The following ATF1 variants were observed in gnomAD, a reference collection of about 807,000 sequenced individuals.
ATF1 encodes the protein cyclic AMP-dependent transcription factor ATF-1.
Under a neutral mutation model 34.7 loss-of-function variants are expected in ATF1, and 16 were observed. The ratio of observed to expected loss-of-function variants is 0.46; its 90% CI spans 0.31 to 0.70. ATF1 has a LOEUF of 0.70. ATF1 is among the 30% of genes least tolerant of loss of function. ATF1 has a pLI of 0.05. For synonymous variants in ATF1, 105 were observed against 113.1 expected (o/e 0.93, Z 0.46); for missense variants, 255 against 321.6 (o/e 0.79, Z 1.58).
intron 2 of ATF1, among the ~76,000 whole-genome samples, chr12:50,794,595 A>G (rs1439923958): frequency 2.0e-5 from 3 of 151,926 alleles, no homozygotes; most frequent in Non-Finnish European, 4.4e-5. Flanking sequence ...GAAGTCGGAT[A>G]TCACAATCTA....
chr12:50,772,515 C>T (rs1035909153), intron 1 of ATF1, among the ~76,000 whole-genome samples: 6 of 151,680 alleles, frequency 4.0e-5, no homozygotes, highest in African/African-American at 1.5e-4. Context: ...TAGTAGAGAC[C>T]GAGTTTCACC....
intron 1 of ATF1, among the ~76,000 whole-genome samples, chr12:50,773,288 G>A (rs1235647967): frequency 6.6e-6 from 1 of 152,008 alleles, no homozygotes; most frequent in Non-Finnish European, 1.5e-5. Flanking sequence ...ACCAATAATG[G>A]TATTGCTGGG....
chr12:50,765,514 TTTG>T (rs1305069763), intron 1 of ATF1, among the ~76,000 whole-genome samples: 20 of 149,134 alleles, frequency 1.3e-4, no homozygotes, highest in Admixed American at 1.3e-3. Context: ...TTTGTTTTGT[TTTG>T]TTTGTTTGTT....
chr12:50,819,787 GA>G lies in ATF1; in HGVS notation c.*11del, dbSNP rs1177722300. The G allele has an allele frequency of 6.6e-7, 1 of 1,504,524 alleles. No homozygotes were observed. The highest frequency in any genetic ancestry group is 9.0e-7 in the Non-Finnish European group (1 of 1,108,782). 93.2% of individuals were successfully genotyped at this position (1,504,524 alleles called of 1,614,324 possible). A position where few individuals can be genotyped will look rare whatever the true frequency, so the allele number is the denominator to read the frequency against. ...TCCAATAAAAGTGTTTGATTCCTAA[GA>G]AAGAAAATATTTTTGTGGACATGCA... On this transcript the variant is annotated 3_prime_UTR_variant, in exon 7 of 7. Transcript: ENST00000262053.
At chr12:50,814,513 G>T in intron 6 of ATF1, 74 bp downstream of exon 6, 1 of 1,454,176 alleles carries the variant, frequency 6.9e-7, no homozygotes, top group South Asian at 1.2e-5. Context: ...ATGTTAACTG[G>T]AACTGTATAC....
intron 6 of ATF1, among the ~76,000 whole-genome samples, chr12:50,818,969 A>T (rs1180746365): frequency 6.6e-6 from 1 of 152,244 alleles, no homozygotes; most frequent in Admixed American, 6.5e-5. Flanking sequence ...TTTTAAGAGG[A>T]CATGCACAGA....
In ATF1 at chr12:50,820,674, G is replaced by A. The variant is rs1941932594; in HGVS notation, c.*895G>A. The A allele has an allele frequency of 5.6e-6, 1 of 178,072 alleles. No homozygotes were observed. Among genetic ancestry groups the A allele is most frequent in the African/African-American group, 2.4e-5 (1 of 42,276 alleles). 11.0% of individuals were successfully genotyped at this position (178,072 alleles called of 1,614,324 possible). A position where few individuals can be genotyped will look rare whatever the true frequency, so the allele number is the denominator to read the frequency against. On this transcript the variant is annotated 3_prime_UTR_variant, in exon 7 of 7. Transcript: ENST00000262053. ...AAGATACATACCAAAGTTTTTCCAA[G>A]AAGATTTTATAATCAATTTAATAAT...
At chr12:50,784,315 T>C (rs1941137553) in intron 2 of ATF1, among the ~76,000 whole-genome samples, 1 of 152,206 alleles carries the variant, frequency 6.6e-6, no homozygotes, top group Non-Finnish European at 1.5e-5. Context: ...GTTGGTAATA[T>C]GTGCCATGGA....
intron 3 of ATF1, among the ~76,000 whole-genome samples, chr12:50,804,912 A>G (rs1941585273): frequency 6.6e-6 from 1 of 151,774 alleles, no homozygotes; most frequent in South Asian, 2.1e-4. Context: ...TCCAGGTTCA[A>G]GCAATTCTCC....
chr12:50,773,580 C>T (rs1280027179), intron 1 of ATF1, among the ~76,000 whole-genome samples: 5 of 144,208 alleles, frequency 3.5e-5, no homozygotes, highest in Non-Finnish European at 7.7e-5. Flanking sequence ...CAGTCACCCA[C>T]GATGCCAGCT....
At chr12:50,775,110 T>G (rs1205190681) in intron 1 of ATF1, among the ~76,000 whole-genome samples, 2 of 152,066 alleles carry the variant, frequency 1.3e-5, no homozygotes, top group South Asian at 4.2e-4. Context: ...TCTTTTGTTT[T>G]TTTTTTTTAA....
chr12:50,820,036 A>G lies in ATF1; in HGVS notation c.*257A>G. 3.3e-6 allele frequency: 1 copy of G among 299,656 alleles called. No individual in the cohort carries two copies. The highest frequency in any genetic ancestry group is 4.8e-5 in the Admixed American group (1 of 21,000). The allele number at this position is 299,656 out of a possible 1,614,324, so 18.6% of individuals were successfully genotyped here. A position where few individuals can be genotyped will look rare whatever the true frequency, so the allele number is the denominator to read the frequency against. On this transcript the variant is annotated 3_prime_UTR_variant, in exon 7 of 7. Transcript: ENST00000262053. The stretch of plus-strand genomic sequence containing the variant: ...AAGAAATGAACTTTCAGCAGTCTAA[A>G]TTTTCTAAATAACCAATAGTTGCCA...
At chr12:50,785,676 C>G (rs1022707306) in intron 2 of ATF1, among the ~76,000 whole-genome samples, 7 of 152,154 alleles carry the variant, frequency 4.6e-5, no homozygotes, top group Non-Finnish European at 8.8e-5. Flanking sequence ...TCCAAGGTCA[C>G]TTAGTTTGTT....
chr12:50,816,766 A>G (rs759737935), intron 6 of ATF1, among the ~76,000 whole-genome samples: 2 of 151,920 alleles, frequency 1.3e-5, no homozygotes, highest in Non-Finnish European at 2.9e-5. Flanking sequence ...TGGTAGAGGC[A>G]GGAGAATCAC....
chr12:50,794,150 C>T lies in ATF1; in HGVS notation c.94-1759C>T, dbSNP rs1286714775. Among the ~76,000 whole-genome samples the T allele has an allele frequency of 1.8e-4, 28 of 151,750 alleles. No homozygotes were observed. In the East Asian group the frequency reaches 5.2e-3, roughly 28 times the overall value. On this transcript the variant is annotated intron_variant, in intron 2 of 6. Transcript: ENST00000262053. ...TATTTTTAGTAGAGACGGGGTTTCA[C>T]CGTGTTAGCCAGGATGTTCTCAATC...
intron 3 of ATF1, among the ~76,000 whole-genome samples, chr12:50,802,871 C>CAAAAAAAAAAAAAAAAAAAAA: frequency 2.1e-5 from 1 of 46,912 alleles, no homozygotes; most frequent in Non-Finnish European, 3.4e-5. Flanking sequence ...GACTCCATCT[C>CAAAAAAAAAAAAAAAAAAAAA]AAAAAAAAAA....
chr12:50,766,364 A>G (rs1326813828), intron 1 of ATF1, among the ~76,000 whole-genome samples: 4 of 152,190 alleles, frequency 2.6e-5, no homozygotes, highest in Admixed American at 6.6e-5. Context: ...CTCTCAGCTA[A>G]GAACAGGTTT....
intron 2 of ATF1, among the ~76,000 whole-genome samples, chr12:50,781,915 C>CAA (rs56395543): frequency 1.3e-4 from 14 of 107,122 alleles, no homozygotes; most frequent in African/African-American, 4.5e-4. Flanking sequence ...ACCCTATCTC[C>CAA]AAAAAAAAAA....
At chr12:50,779,166 T>C (rs551857110) in intron 1 of ATF1, among the ~76,000 whole-genome samples, 1 of 152,376 alleles carries the variant, frequency 6.6e-6, no homozygotes, top group African/African-American at 2.4e-5. Context: ...CATCCACTGA[T>C]GAATATTTGG....
Sources: allele counts gnomAD v4.1 joint callset (sites outside exome capture counted in the v4.1 genomes callset), GRCh38; gene constraint gnomAD v4.1.1; transcripts MANE v1.5; gene names NCBI Gene and HGNC (gene_info 2026-07-23, HGNC 2026-07-21).